Variants in CTSB observed in about 807,000 individuals in gnomAD.
CTSB encodes APP secretase.
CTSB carries 57 observed loss-of-function variants against 44.3 expected under a neutral mutation model. That is an observed-to-expected ratio of 1.29 (90% CI 1.04 to 1.60). The LOEUF (loss-of-function observed/expected upper bound fraction) is 1.60, where lower values mean the gene tolerates loss of function less well. Ranked by LOEUF, CTSB falls within the 40% of genes most tolerant of loss-of-function variation. The pLI is 0.00. For synonymous variants in CTSB, 320 were observed against 168.0 expected (o/e 1.91, Z -7.00); for missense variants, 768 against 443.0 (o/e 1.73, Z -6.59).
At position 11,848,138 on chromosome 8, in the gene CTSB, T is replaced by G; in HGVS notation, c.461A>C (p.Tyr154Ser). The G allele has an allele frequency of 6.2e-7, 1 of 1,614,088 alleles. No homozygotes were observed. The highest frequency in any genetic ancestry group is 1.7e-5 in the Admixed American group (1 of 60,032). Residue 154 changes from tyrosine (Y) to serine (S), a missense_variant, in exon 6 of 10, where the codon TAT becomes TCT. By Grantham distance (144) the Tyr-to-Ser change is moderately radical. Transcript: ENST00000353047. The stretch of plus-strand genomic sequence containing the variant: ...CCAGAAGTTCCAAGCTTCAGCAGGA[T>G]AGCCACCATTACAGCTGAAAAGACA... ...SMCGDGCNGG[Y>S]PAEAWNFWTR...
chr8:11,852,495 C>T (rs1002578459), intron 3 of CTSB, 115 bp downstream of exon 3: 7 of 657,948 alleles, frequency 1.1e-5, no homozygotes, highest in Non-Finnish European at 1.5e-5. Context: ...TGTCGGCAGC[C>T]CTGGGCAGCA....
chr8:11,847,510 T>C (rs1029873429), intron 7 of CTSB, among the ~76,000 whole-genome samples, 169 bp downstream of exon 7: 4 of 152,156 alleles, frequency 2.6e-5, no homozygotes, highest in African/African-American at 7.2e-5. Flanking sequence ...AGGCAGAAAG[T>C]GGAGAGTGTG....
rs147857910 is a variant in CTSB, at chr8:11,845,686, G to A, written c.897C>T (p.Ser299=). 5.0e-6 allele frequency: 8 copies of A among 1,613,878 alleles called. No individual in the cohort carries two copies. Among genetic ancestry groups the A allele is most frequent in the East Asian group, 2.2e-5 (1 of 44,888 alleles). ...NGTPYWLVAN[S]WNTDWGDNGF... ...CATTGTCACCCCAGTCAGTGTTCCA[G>A]GAGTTGGCAACCAGCCAGTAGGGTG... Residue 299 remains serine (S), a synonymous_variant, in exon 9 of 10, where the codon TCC becomes TCT. Coordinates refer to ENST00000353047, the MANE Select transcript of CTSB (RefSeq NM_001908.5).
chr8:11,844,893 C>T lies in CTSB; in HGVS notation c.*232G>A. The T allele has an allele frequency of 3.7e-6, 2 of 545,976 alleles. No individual in the cohort carries two copies. Among genetic ancestry groups the T allele is most frequent in the Non-Finnish European group, 6.6e-6 (2 of 304,698 alleles). 33.8% of individuals were successfully genotyped at this position (545,976 alleles called of 1,614,324 possible). A position where few individuals can be genotyped will look rare whatever the true frequency, so the allele number is the denominator to read the frequency against. On this transcript the variant is annotated 3_prime_UTR_variant, in exon 10 of 10. Transcript: ENST00000353047. The stretch of plus-strand genomic sequence containing the variant: ...AGGTACTCCCTACGGCACTAGTCTA[C>T]AGGGGGAAGGACGCTCTGTGCTGGC...
At chr8:11,847,210 C>T (rs1692817) in intron 7 of CTSB, 42 bp from the exon 8 acceptor site, 24 of 1,311,012 alleles carry the variant, frequency 1.8e-5, no homozygotes, top group Middle Eastern at 1.8e-4. Context: ...GGGCAGTGAC[C>T]GTGCCTCGTG....
At chr8:11,859,767 C>CAAAAAAAA (rs36047077) in intron 1 of CTSB, among the ~76,000 whole-genome samples, 2 of 38,980 alleles carry the variant, frequency 5.1e-5, no homozygotes, top group Non-Finnish European at 7.8e-5. Flanking sequence ...GACTCTGTCT[C>CAAAAAAAA]AAAAAAAAAA....
At position 11,847,663 on chromosome 8, in the gene CTSB, G is replaced by T. The variant is rs779929641; in HGVS notation, c.676+16C>A. 1 of 1,493,756 alleles carries T rather than the reference G, an allele frequency of 6.7e-7. No individual in the cohort carries two copies. The highest frequency in any genetic ancestry group is 1.3e-5 in the South Asian group (1 of 75,088). 92.5% of individuals were successfully genotyped at this position (1,493,756 alleles called of 1,614,324 possible). On this transcript the variant is annotated intron_variant, in intron 7 of 9. Transcript: ENST00000353047. ...CAGCCTCCACGTGCGCCGTGGCCAG[G>T]CCCCAGGCCCCTTACCGTAGTGCTT...
intron 1 of CTSB, chr8:11,862,624 C>G (rs1816597113): frequency 6.6e-6 from 1 of 152,342 alleles, no homozygotes; most frequent in African/African-American, 2.4e-5. Context: ...GCAGGTGGCC[C>G]CCAGCACTCT....
chr8:11,845,737 G>T lies in CTSB; in HGVS notation c.846C>A (p.Ile282=), dbSNP rs546687307. The change falls in exon 9 of 10, where the codon ATC becomes ATA. Residue 282 remains isoleucine (I), a synonymous_variant. Coordinates refer to ENST00000353047, the MANE Select transcript of CTSB (RefSeq NM_001908.5). ...TGCCATTCTCCACTCCCCAGCCCAG[G>T]ATGCGGATGGCATGGCCACCCATCA... ...GEMMGGHAIR[I]LGWGVENGTP... 6.2e-7 allele frequency: 1 copy of T among 1,614,118 alleles called. No homozygotes were observed. The highest frequency in any genetic ancestry group is 1.7e-4 in the Middle Eastern group (1 of 6,060).
intron 4 of CTSB, 28 bp downstream of exon 4, chr8:11,850,838 G>A (rs758421377): frequency 6.8e-5 from 105 of 1,543,060 alleles, no homozygotes; most frequent in Non-Finnish European, 8.6e-5. Context: ...TCTCTCCAGC[G>A]CTTCCCCGCC....
intron 1 of CTSB, among the ~76,000 whole-genome samples, chr8:11,861,674 T>A (rs2150444571): frequency 6.6e-6 from 1 of 152,374 alleles, no homozygotes; most frequent in East Asian, 1.9e-4. Context: ...CCATTTCTGT[T>A]ACTGACTTGC....
In CTSB at chr8:11,844,303, C is replaced by A. The variant is rs1812817739; in HGVS notation, c.*822G>T. On this transcript the variant is annotated 3_prime_UTR_variant, in exon 10 of 10. Coordinates refer to ENST00000353047, the MANE Select transcript of CTSB (RefSeq NM_001908.5). ...TAGGCAGTGACAAAGGATCTGAGATCCCATCAGAGTAGACTTCAAGTTGGA... is the reference window on the plus strand; with the variant it reads ...TAGGCAGTGACAAAGGATCTGAGATACCATCAGAGTAGACTTCAAGTTGGA... The A allele has an allele frequency of 6.6e-6, 1 of 152,224 alleles. No homozygotes were observed. The highest frequency in any genetic ancestry group is 1.5e-5 in the Non-Finnish European group (1 of 68,046). 9.4% of individuals were successfully genotyped at this position (152,224 alleles called of 1,614,324 possible).
Position 11,853,743 on chromosome 8 carries a change from G to A in CTSB, c.-25-264C>T, listed in dbSNP as rs1815029460. The A allele has an allele frequency of 8.3e-6, 3 of 360,790 alleles. No homozygotes were observed. The East Asian group carries it at 1.4e-4, about 17-fold the overall frequency. The allele number at this position is 360,790 out of a possible 1,614,324, so 22.3% of individuals were successfully genotyped here. A position where few individuals can be genotyped will look rare whatever the true frequency, so the allele number is the denominator to read the frequency against. ...TGTGCTGGACGAGACCGAGTCCAGGGCCTTCGCTGCTATTTTTAAACGGCC... is the reference window on the plus strand; with the variant it reads ...TGTGCTGGACGAGACCGAGTCCAGGACCTTCGCTGCTATTTTTAAACGGCC... On this transcript the variant is annotated intron_variant, in intron 1 of 9. Transcript: ENST00000353047.
intron 7 of CTSB, among the ~76,000 whole-genome samples, chr8:11,847,404 G>A (rs557810604): frequency 4.6e-5 from 7 of 152,288 alleles, no homozygotes; most frequent in African/African-American, 1.7e-4. Flanking sequence ...AAGAGGCCAG[G>A]ATACCTCAAG....
chr8:11,861,927 G>A (rs554978554), intron 1 of CTSB, among the ~76,000 whole-genome samples: 1 of 152,348 alleles, frequency 6.6e-6, no homozygotes, highest in South Asian at 2.1e-4. Flanking sequence ...CTAGCTCTGG[G>A]CCGGGCATGC....
At chr8:11,845,330 T>C (rs758102506) in intron 9 of CTSB, 108 bp from the exon 10 acceptor site, 39 of 852,314 alleles carry the variant, frequency 4.6e-5, no homozygotes, top group Non-Finnish European at 6.8e-5. Flanking sequence ...ACTCCTGCTG[T>C]TGGCCCACTA....
intron 8 of CTSB, 121 bp from the exon 9 acceptor site, chr8:11,845,910 GC>G (rs1475572803): frequency 3.2e-6 from 4 of 1,253,136 alleles, no homozygotes; most frequent in Non-Finnish European, 4.3e-6. Flanking sequence ...GGAACCTGCT[GC>G]TCCACCAGGA....
intron 1 of CTSB, chr8:11,854,885 G>A (rs78174313): frequency 0.02 from 3,004 of 152,418 alleles, 50 homozygotes; most frequent in Middle Eastern, 0.048. Flanking sequence ...CCACTCAGAA[G>A]CACATCCTCC....
chr8:11,862,257 G>A (rs890681353), intron 1 of CTSB: 1 of 151,482 alleles, frequency 6.6e-6, no homozygotes, highest in African/African-American at 2.4e-5. Flanking sequence ...GCTAGGTCCT[G>A]TTTTCCTCCC....
Sources: allele counts gnomAD v4.1 joint callset (sites outside exome capture counted in the v4.1 genomes callset), GRCh38; gene constraint gnomAD v4.1.1; transcripts MANE v1.5; gene names NCBI Gene and HGNC (gene_info 2026-07-23, HGNC 2026-07-21).